TRIM48: variants seen among roughly 807,000 people sequenced by gnomAD.
The protein encoded by TRIM48 is E3 ubiquitin-protein ligase TRIM48.
Under a neutral mutation model 29.5 loss-of-function variants are expected in TRIM48, and 31 were observed. That is an observed-to-expected ratio of 1.05 (90% confidence interval 0.79 to 1.42). TRIM48 has a LOEUF of 1.42. TRIM48 is among the 40% of genes most tolerant of loss of function. TRIM48 has a pLI of 0.00. For synonymous variants in TRIM48, 128 were observed against 90.6 expected, an observed-to-expected ratio of 1.41 and a Z score of -2.34; for missense variants, 344 against 265.0, an observed-to-expected ratio of 1.30 and a Z score of -2.07.
chr11:55,267,774 T>C, intron 3 of TRIM48: 1 of 1,399,430 alleles, frequency 7.1e-7, no homozygotes, highest in Non-Finnish European at 9.5e-7. Context: ...TAATGCTACT[T>C]TATTGGGAGA....
In TRIM48 at chr11:55,270,578, A is replaced by C; in HGVS notation, c.*143A>C. The C allele has an allele frequency of 3.8e-6, 6 of 1,583,664 alleles. 1 individual carries two copies. The highest frequency in any genetic ancestry group is 5.1e-6 in the Non-Finnish European group (6 of 1,165,814). ...ACAAGTTTTCTTGCATGGGGTGCTC[A>C]GACTTTCACCTCTGGCAAATATTAC... On this transcript the variant is annotated 3_prime_UTR_variant, in exon 6 of 6. Transcript: ENST00000417545.
At position 55,262,168 on chromosome 11, in the gene TRIM48, G is replaced by A. The variant is rs1224436893; in HGVS notation, c.-100G>A. ...AGAGACAAGCTCAGTTTTCTCCAAAGGAGAAGGAGTGCACTTAGAGGGAGC... is the reference window on the plus strand; with the variant it reads ...AGAGACAAGCTCAGTTTTCTCCAAAAGAGAAGGAGTGCACTTAGAGGGAGC... On this transcript the variant is annotated 5_prime_UTR_variant, in exon 1 of 6. Transcript: ENST00000417545. 16 of 902,250 alleles carry A rather than the reference G, an allele frequency of 1.8e-5. 1 individual carries two copies. The highest frequency in any genetic ancestry group is 2.8e-5 in the South Asian group (2 of 70,242). 55.9% of individuals were successfully genotyped at this position (902,250 alleles called of 1,614,324 possible). A position where few individuals can be genotyped will look rare whatever the true frequency, so the allele number is the denominator to read the frequency against.
chr11:55,266,223 T>A (rs1044203753), intron 3 of TRIM48, among the ~76,000 whole-genome samples: 3 of 147,194 alleles, frequency 2.0e-5, no homozygotes, highest in East Asian at 2.2e-4. Context: ...ATGAGAAAAG[T>A]GGTGAGAAAT....
At chr11:55,266,205 A>G (rs1459097236) in intron 3 of TRIM48, among the ~76,000 whole-genome samples, 1 of 147,690 alleles carries the variant, frequency 6.8e-6, no homozygotes, top group African/African-American at 2.5e-5. Flanking sequence ...AATAATACAT[A>G]ACATATGATG....
chr11:55,264,752 T>C lies in TRIM48; in HGVS notation c.45-148T>C. 2 of 1,345,864 alleles carry C rather than the reference T, an allele frequency of 1.5e-6. 1 individual carries two copies. The highest frequency in any genetic ancestry group is 2.0e-6 in the Non-Finnish European group (2 of 986,382). The allele number at this position is 1,345,864 out of a possible 1,614,324, so 83.4% of individuals were successfully genotyped here. A position where few individuals can be genotyped will look rare whatever the true frequency, so the allele number is the denominator to read the frequency against. The stretch of plus-strand genomic sequence containing the variant: ...AAGCCGGGAGACTCTCTGTGTGAGA[T>C]TTTTATTTTTGTTACAGAAGAAATA... On this transcript the variant is annotated intron_variant, in intron 1 of 5. Transcript: ENST00000417545.
chr11:55,263,040 G>C (rs1857328406), intron 1 of TRIM48, among the ~76,000 whole-genome samples: 1 of 152,032 alleles, frequency 6.6e-6, no homozygotes, highest in African/African-American at 2.4e-5. Context: ...ATATTAGTCA[G>C]GGCTCTCCAG....
chr11:55,270,894 C>A lies in TRIM48; in HGVS notation c.*459C>A. On this transcript the variant is annotated 3_prime_UTR_variant, in exon 6 of 6. Transcript: ENST00000417545. ...TATACACCATCCCTAATTGCTCCTT[C>A]TCACTTCCTCTCAGACCTATCTTTT... The A allele has an allele frequency of 6.4e-7, 1 of 1,558,688 alleles. No individual in the cohort carries two copies. Among genetic ancestry groups the A allele is most frequent in the Non-Finnish European group, 8.7e-7 (1 of 1,145,636 alleles).
chr11:55,270,390 TTTTCTTTC>T (rs571082671), intron 5 of TRIM48, 39 bp from the exon 6 acceptor site: 1 of 1,365,728 alleles, frequency 7.3e-7, no homozygotes. Context: ...CCTATGCATG[TTTTCTTTC>T]TTTCTTTCTT....
Position 55,267,418 on chromosome 11 carries a change from T to A in TRIM48, c.556-932T>A. The A allele has an allele frequency of 1.7e-5, 27 of 1,577,284 alleles. 2 individuals are homozygous for A. The highest frequency in any genetic ancestry group is 2.2e-5 in the Non-Finnish European group (26 of 1,161,782). ...CATTATTACTGCCGTATTATGTGAA[T>A]GTAAGGCTAGAAGCTATTAAAGCTG... On this transcript the variant is annotated intron_variant, in intron 3 of 5. Transcript: ENST00000417545.
intron 1 of TRIM48, among the ~76,000 whole-genome samples, chr11:55,262,835 A>T (rs1414367334): frequency 6.6e-6 from 1 of 152,182 alleles, no homozygotes. Flanking sequence ...ATAATTTGAT[A>T]TGTGATGGTG....
At position 55,270,887 on chromosome 11, in the gene TRIM48, G is replaced by C. The variant is rs1450097296; in HGVS notation, c.*452G>C. On this transcript the variant is annotated 3_prime_UTR_variant, in exon 6 of 6. Coordinates refer to ENST00000417545, the MANE Select transcript of TRIM48 (RefSeq NM_024114.5). Reference sequence around the variant, plus strand: ...TCCCCTATATACACCATCCCTAATTGCTCCTTCTCACTTCCTCTCAGACCT... The same window carrying C: ...TCCCCTATATACACCATCCCTAATTCCTCCTTCTCACTTCCTCTCAGACCT... 1.3e-6 allele frequency: 2 copies of C among 1,561,010 alleles called. 1 individual carries two copies. Among genetic ancestry groups the C allele is most frequent in the Non-Finnish European group, 1.7e-6 (2 of 1,147,580 alleles).
rs1199961078 is a variant in TRIM48, at chr11:55,271,112, A to T, written c.*677A>T. The T allele has an allele frequency of 3.8e-6, 3 of 791,060 alleles. No homozygotes were observed. The African/African-American group carries it at 5.4e-5, about 14-fold the overall frequency. The allele number at this position is 791,060 out of a possible 1,614,324, so 49.0% of individuals were successfully genotyped here. Reference sequence around the variant, plus strand: ...ACTATTAAATGTAGTAAAAACACTAAAAGTATATATATTGGTTCTTTATTA... The same window carrying T: ...ACTATTAAATGTAGTAAAAACACTATAAGTATATATATTGGTTCTTTATTA... On this transcript the variant is annotated 3_prime_UTR_variant, in exon 6 of 6. Transcript: ENST00000417545.
intron 1 of TRIM48, among the ~76,000 whole-genome samples, chr11:55,264,558 AAG>A (rs1857357417): frequency 6.8e-6 from 1 of 147,766 alleles, no homozygotes; most frequent in Non-Finnish European, 1.5e-5. Context: ...AGTCATATGA[AAG>A]AAGAATAGGA....
rs1344276271 is a variant in TRIM48, at chr11:55,271,014, C to G, written c.*579C>G. ...GAAAGCCCTCTTCCTTGTGCCTTAT[C>G]AAACAGGACAAATAGGTTCGGTTTT... On this transcript the variant is annotated 3_prime_UTR_variant, in exon 6 of 6. Transcript: ENST00000417545. The G allele has an allele frequency of 6.8e-7, 1 of 1,467,470 alleles. No homozygotes were observed. The highest frequency in any genetic ancestry group is 9.1e-7 in the Non-Finnish European group (1 of 1,093,942). 90.9% of individuals were successfully genotyped at this position (1,467,470 alleles called of 1,614,324 possible). A position where few individuals can be genotyped will look rare whatever the true frequency, so the allele number is the denominator to read the frequency against.
In TRIM48 at chr11:55,270,736, A is replaced by C; in HGVS notation, c.*301A>C. ...TAGTCTTGGGTGTGTTAAGAACGACATTCAGTGCAGTCTCTTTACCACCTC... is the reference window on the plus strand; with the variant it reads ...TAGTCTTGGGTGTGTTAAGAACGACCTTCAGTGCAGTCTCTTTACCACCTC... On this transcript the variant is annotated 3_prime_UTR_variant, in exon 6 of 6. Transcript: ENST00000417545. The C allele has an allele frequency of 2.6e-6, 4 of 1,565,134 alleles. No individual in the cohort carries two copies. Among genetic ancestry groups the C allele is most frequent in the Non-Finnish European group, 3.5e-6 (4 of 1,149,482 alleles).
At position 55,270,978 on chromosome 11, in the gene TRIM48, C is replaced by G. The variant is rs1857477323; in HGVS notation, c.*543C>G. 1 of 1,546,086 alleles carries G rather than the reference C, an allele frequency of 6.5e-7. No individual in the cohort carries two copies. The highest frequency in any genetic ancestry group is 1.4e-5 in the African/African-American group (1 of 72,588). On this transcript the variant is annotated 3_prime_UTR_variant, in exon 6 of 6. Coordinates refer to ENST00000417545, the MANE Select transcript of TRIM48 (RefSeq NM_024114.5). Reference sequence around the variant, plus strand: ...AATGTGTTCATCTGCTGTGGGAACCCCTTTATCCCAGAAAGCCCTCTTCCT... The same window carrying G: ...AATGTGTTCATCTGCTGTGGGAACCGCTTTATCCCAGAAAGCCCTCTTCCT...
In TRIM48 at chr11:55,265,667, T is replaced by C; in HGVS notation, c.527T>C (p.Val176Ala). 6.3e-7 allele frequency: 1 copy of C among 1,581,250 alleles called. No homozygotes were observed. Among genetic ancestry groups the C allele is most frequent in the Non-Finnish European group, 8.6e-7 (1 of 1,165,152 alleles). ...TGTGAAAATCAGAGAAACCTGAATG[T>C]GGAAACCACCAGAATCAGCCACTGG... ...KACENQRNLN[V>A]ETTRISHWKA... The change falls in exon 3 of 6, where the codon GTG (valine) becomes GCG (alanine). Residue 176 changes from valine (V) to alanine (A), a missense_variant. Val to Ala is a moderately conservative substitution (Grantham distance 64). Coordinates refer to ENST00000417545, the MANE Select transcript of TRIM48 (RefSeq NM_024114.5).
At chr11:55,269,992 C>T (rs1283001206) in intron 5 of TRIM48, among the ~76,000 whole-genome samples, 1 of 147,828 alleles carries the variant, frequency 6.8e-6, no homozygotes, top group Non-Finnish European at 1.5e-5. Context: ...TCACTTATGA[C>T]ATGTACTTAT....
Position 55,262,171 on chromosome 11 carries a change from G to C in TRIM48, c.-97G>C. The C allele has an allele frequency of 1.1e-6, 1 of 919,990 alleles. No homozygotes were observed. 57.0% of individuals were successfully genotyped at this position (919,990 alleles called of 1,614,324 possible). A position where few individuals can be genotyped will look rare whatever the true frequency, so the allele number is the denominator to read the frequency against. ...GACAAGCTCAGTTTTCTCCAAAGGA[G>C]AAGGAGTGCACTTAGAGGGAGCTGT... On this transcript the variant is annotated 5_prime_UTR_variant, in exon 1 of 6. Transcript: ENST00000417545.
Sources: allele counts gnomAD v4.1 joint callset (sites outside exome capture counted in the v4.1 genomes callset), GRCh38; gene constraint gnomAD v4.1.1; transcripts MANE v1.5; gene names NCBI Gene and HGNC (gene_info 2026-07-23, HGNC 2026-07-21).